The following ST7 variants were observed in gnomAD, a reference collection of about 807,000 sequenced individuals.
ST7 encodes the protein suppressor of tumorigenicity 7 protein.
ST7 carries 28 observed loss-of-function variants against 78.7 expected under a neutral mutation model. The ratio of observed to expected loss-of-function variants is 0.36; its 90% CI spans 0.26 to 0.49. The LOEUF is 0.49. ST7 is among the 20% of genes least tolerant of loss of function. The probability of loss-of-function intolerance (pLI) is 0.99; values close to 1 mark genes in which losing one functional copy is unlikely to be tolerated. For synonymous variants in ST7, 247 were observed against 249.6 expected, an observed-to-expected ratio of 0.99 and a Z score of 0.10; for missense variants, 418 against 696.0, an observed-to-expected ratio of 0.60 and a Z score of 4.49.
intron 1 of ST7, chr7:116,967,346 C>G: frequency 2.1e-6 from 1 of 471,174 alleles, no homozygotes; most frequent in Non-Finnish European, 4.4e-6. Context: ...TCCACTTGCG[C>G]TACTCTCACT....
Position 117,119,152 on chromosome 7 carries a change from G to C in ST7, c.235-409G>C, listed in dbSNP as rs544223300. ...CTCTTAAGCATTTTACAGAGGTATG[G>C]TTTTTATCAGAATATAAAGTGCAAA... On this transcript the variant is annotated intron_variant, in intron 2 of 15. Transcript: ENST00000323984. 3.3e-5 allele frequency among the ~76,000 whole-genome samples: 5 copies of C among 152,180 alleles called. No individual in the cohort carries two copies. The East Asian group carries it at 9.6e-4, about 29-fold the overall frequency.
chr7:117,039,882 G>T (rs562458545), intron 1 of ST7, among the ~76,000 whole-genome samples: 6 of 152,216 alleles, frequency 3.9e-5, no homozygotes, highest in African/African-American at 1.4e-4. Flanking sequence ...AGACTCTCTT[G>T]CCTGGCCAAG....
At chr7:117,058,635 G>A (rs60793513) in intron 1 of ST7, among the ~76,000 whole-genome samples, 114 of 152,246 alleles carry the variant, frequency 7.5e-4, no homozygotes, top group African/African-American at 2.3e-3. Context: ...TTTATGAGAA[G>A]TCACAATGTA....
intron 8 of ST7, chr7:117,136,437 C>A: frequency 1.6e-6 from 1 of 637,070 alleles, no homozygotes; most frequent in South Asian, 2.0e-5. Context: ...TGTTTATATT[C>A]ACATTCTCTT....
intron 1 of ST7, among the ~76,000 whole-genome samples, chr7:117,085,060 G>A (rs888039372): frequency 4.6e-5 from 7 of 152,016 alleles, no homozygotes; most frequent in African/African-American, 1.2e-4. Context: ...AAAATAAGAG[G>A]CAAATACATA....
intron 9 of ST7, among the ~76,000 whole-genome samples, chr7:117,152,197 A>T (rs1329000363): frequency 5.5e-5 from 4 of 73,300 alleles, no homozygotes; most frequent in African/African-American, 2.1e-4. Flanking sequence ...ATATATATAT[A>T]TATATATATA....
At chr7:117,160,673 A>G (rs1301651707) in intron 9 of ST7, among the ~76,000 whole-genome samples, 1 of 151,802 alleles carries the variant, frequency 6.6e-6, no homozygotes, top group African/African-American at 2.4e-5. Flanking sequence ...ATATATACAT[A>G]TATGTATTTA....
At chr7:117,097,908 A>ATATATATATATATATATATTTTTTT in intron 1 of ST7, among the ~76,000 whole-genome samples, 2 of 30,008 alleles carry the variant, frequency 6.7e-5, no homozygotes, top group Non-Finnish European at 1.1e-4. Context: ...ATATATATAT[A>ATATATATATATATATATATTTTTTT]TTTTTTTTTT....
chr7:117,050,454 A>G (rs1797722998), intron 1 of ST7, among the ~76,000 whole-genome samples: 2 of 152,176 alleles, frequency 1.3e-5, no homozygotes, highest in South Asian at 4.1e-4. Context: ...TTCATCCTGC[A>G]TCTTTACAAT....
chr7:117,174,230 C>T (rs1808201622), intron 10 of ST7, among the ~76,000 whole-genome samples: 1 of 152,126 alleles, frequency 6.6e-6, no homozygotes, highest in African/African-American at 2.4e-5. Context: ...ATTTGTGATT[C>T]AACATTATAG....
At position 116,976,503 on chromosome 7, in the gene ST7, T is replaced by A. The variant is rs533474090; in HGVS notation, c.151+22812T>A. Among the ~76,000 whole-genome samples, 6 of 152,286 alleles carry A rather than the reference T, an allele frequency of 3.9e-5. No individual in the cohort carries two copies. The East Asian group carries it at 1.2e-3, about 29-fold the overall frequency. On this transcript the variant is annotated intron_variant, in intron 1 of 15. Transcript: ENST00000323984. ...TGGACTAACAGTTACCTAGGACATG[T>A]TTTCCTCATGGAAAGTGGCAGAAGC... is the stretch of plus-strand genomic sequence containing the variant.
chr7:116,958,344 G>A (rs1303670973), intron 1 of ST7, among the ~76,000 whole-genome samples: 1 of 151,884 alleles, frequency 6.6e-6, no homozygotes, highest in East Asian at 1.9e-4. Context: ...GAATACAGAT[G>A]TAAAACTCTT....
chr7:117,148,152 T>G (rs1356777673), intron 9 of ST7, among the ~76,000 whole-genome samples: 1 of 152,200 alleles, frequency 6.6e-6, no homozygotes, highest in Non-Finnish European at 1.5e-5. Context: ...TGTTTATTAA[T>G]CTGTTTTTTG....
intron 15 of ST7, among the ~76,000 whole-genome samples, chr7:117,227,718 C>T (rs1371318831): frequency 6.6e-6 from 1 of 152,094 alleles, no homozygotes; most frequent in Non-Finnish European, 1.5e-5. Context: ...ATTCCCAGGC[C>T]CATTGTCTCC....
intron 9 of ST7, among the ~76,000 whole-genome samples, chr7:117,147,711 A>G (rs1178963538): frequency 1.3e-5 from 2 of 151,466 alleles, no homozygotes; most frequent in South Asian, 2.1e-4. Flanking sequence ...TTTTCTTTCC[A>G]TATTTGTATT....
chr7:117,036,368 A>G (rs1381929368), intron 1 of ST7, among the ~76,000 whole-genome samples: 1 of 152,228 alleles, frequency 6.6e-6, no homozygotes, highest in Non-Finnish European at 1.5e-5. Context: ...GGCCCTCAAA[A>G]ACATAATGTC....
Position 117,010,593 on chromosome 7 carries a change from T to G in ST7, c.151+56902T>G, listed in dbSNP as rs1384296307. 2.0e-5 allele frequency among the ~76,000 whole-genome samples: 3 copies of G among 152,180 alleles called. No homozygotes were observed. In the East Asian group the frequency reaches 5.8e-4, roughly 29 times the overall value. On this transcript the variant is annotated intron_variant, in intron 1 of 15. Coordinates refer to ENST00000323984, the MANE Select transcript of ST7 (RefSeq NM_001369598.1). ...ACTTAGTAATAAGGTGAAATTGGGA[T>G]GTGACATAACCTTAAGGCATTTTGA...
intron 1 of ST7, chr7:117,072,043 T>C (rs1004918766): frequency 6.6e-6 from 1 of 152,228 alleles, no homozygotes; most frequent in African/African-American, 2.4e-5. Flanking sequence ...CAGCCTCCTA[T>C]TTTTAAAGCG....
intron 9 of ST7, chr7:117,146,110 G>C (rs1805769555): frequency 1.3e-5 from 2 of 152,122 alleles, no homozygotes; most frequent in East Asian, 3.8e-4. Context: ...TACAAATACT[G>C]TGTCATTTAA....
Sources: allele counts gnomAD v4.1 joint callset (sites outside exome capture counted in the v4.1 genomes callset), GRCh38; gene constraint gnomAD v4.1.1; transcripts MANE v1.5; gene names NCBI Gene and HGNC (gene_info 2026-07-23, HGNC 2026-07-21).